Variants in MTHFD1L observed in about 807,000 individuals in gnomAD.
The protein encoded by MTHFD1L is monofunctional C1-tetrahydrofolate synthase, mitochondrial.
In MTHFD1L, 81 loss-of-function variants were observed where a neutral mutation model predicts 119.5. That is an observed-to-expected ratio of 0.68 (90% CI 0.57 to 0.82). The LOEUF (loss-of-function observed/expected upper bound fraction) is 0.82, where lower values mean the gene tolerates loss of function less well. MTHFD1L is among the 40% of genes least tolerant of loss of function. MTHFD1L has a pLI of 0.00. For synonymous variants in MTHFD1L, 430 were observed against 475.2 expected, an observed-to-expected ratio of 0.90 and a Z score of 1.24; for missense variants, 1,125 against 1,253.4, an observed-to-expected ratio of 0.90 and a Z score of 1.55.
intron 26 of MTHFD1L, among the ~76,000 whole-genome samples, chr6:151,067,721 T>C (rs1791489778): frequency 6.6e-6 from 1 of 152,260 alleles, no homozygotes; most frequent in Non-Finnish European, 1.5e-5. Flanking sequence ...GGTAACCATG[T>C]ATACAAATGC....
chr6:150,960,272 C>G lies in MTHFD1L; in HGVS notation c.1804-3C>G. 1.2e-6 allele frequency: 2 copies of G among 1,611,192 alleles called. No individual in the cohort carries two copies. The highest frequency in any genetic ancestry group is 1.7e-6 in the Non-Finnish European group (2 of 1,178,674). On this transcript the variant is annotated splice_region_variant and splice_polypyrimidine_tract_variant and intron_variant, in intron 17 of 27. Coordinates refer to ENST00000367321, the MANE Select transcript of MTHFD1L (RefSeq NM_015440.5). ...ACCACTACCTGTGTTTGGGCTGGTT[C>G]AGGCGCAGTTTGACATCGCAGTGGC...
intron 24 of MTHFD1L, 117 bp downstream of exon 24, chr6:151,015,810 G>C (rs893343747): frequency 2.4e-6 from 3 of 1,256,718 alleles, no homozygotes; most frequent in South Asian, 3.2e-5. Flanking sequence ...GTTTAGGCCC[G>C]GTGCAGTGGC....
chr6:150,916,732 T>G (rs1408837178), intron 8 of MTHFD1L, among the ~76,000 whole-genome samples: 8 of 130,254 alleles, frequency 6.1e-5, no homozygotes, highest in African/African-American at 2.2e-4. Flanking sequence ...AAATTGATTC[T>G]ATCCCTTTTT....
intron 8 of MTHFD1L, among the ~76,000 whole-genome samples, chr6:150,912,396 C>T (rs972502670): frequency 1.3e-5 from 2 of 151,776 alleles, no homozygotes; most frequent in Admixed American, 6.6e-5. Flanking sequence ...ATTTGTTCTC[C>T]TAGATGGCGA....
intron 26 of MTHFD1L, among the ~76,000 whole-genome samples, chr6:151,071,876 C>T (rs2128619557): frequency 8.1e-6 from 1 of 122,948 alleles, no homozygotes; most frequent in South Asian, 2.9e-4. Context: ...GAGTCTCACT[C>T]CGATCATCCA....
intron 20 of MTHFD1L, among the ~76,000 whole-genome samples, chr6:151,006,374 G>C (rs1781393446): frequency 6.6e-6 from 1 of 152,126 alleles, no homozygotes; most frequent in South Asian, 2.1e-4. Flanking sequence ...TAGAGTATGT[G>C]GGCTGTGCCG....
intron 4 of MTHFD1L, among the ~76,000 whole-genome samples, chr6:150,880,991 C>G (rs1175302896): frequency 6.6e-6 from 1 of 151,918 alleles, no homozygotes; most frequent in Non-Finnish European, 1.5e-5. Context: ...GGATGTTAAC[C>G]CCTTGTCGGA....
intron 4 of MTHFD1L, among the ~76,000 whole-genome samples, chr6:150,882,064 C>T (rs995841765): frequency 6.6e-5 from 10 of 152,122 alleles, no homozygotes; most frequent in Non-Finnish European, 1.3e-4. Flanking sequence ...ATAAAATAGA[C>T]AGAGAGGACA....
At chr6:150,976,126 A>G (rs1258318767) in intron 20 of MTHFD1L, among the ~76,000 whole-genome samples, 1 of 152,104 alleles carries the variant, frequency 6.6e-6, no homozygotes, top group Non-Finnish European at 1.5e-5. Context: ...CTTGAACCCC[A>G]GGAGGCAGAG....
intron 24 of MTHFD1L, among the ~76,000 whole-genome samples, chr6:151,027,909 G>C (rs1784803138): frequency 6.6e-6 from 1 of 152,192 alleles, no homozygotes; most frequent in African/African-American, 2.4e-5. Context: ...TGGCTGCAGG[G>C]TTGTAGCTCA....
chr6:150,908,979 G>A (rs2128859826), intron 8 of MTHFD1L, among the ~76,000 whole-genome samples: 1 of 152,178 alleles, frequency 6.6e-6, no homozygotes, highest in East Asian at 1.9e-4. Flanking sequence ...GTTTTATAAT[G>A]AAATTTTTAT....
intron 26 of MTHFD1L, among the ~76,000 whole-genome samples, chr6:151,088,787 G>C (rs1584443409): frequency 6.6e-6 from 1 of 152,210 alleles, no homozygotes; most frequent in South Asian, 2.1e-4. Flanking sequence ...TTTTGTGAAA[G>C]AATCAGAATG....
In MTHFD1L at chr6:151,039,917, A is replaced by AATAC. The variant is rs112663874; in HGVS notation, c.2847+2827_2847+2830dup. On this transcript the variant is annotated intron_variant, in intron 26 of 27. Transcript: ENST00000367321. The surrounding 1 kb of genome is among the most constrained non-coding windows in gnomAD (Gnocchi z 4.4). ...GTGACAGAGCAAGACTTCATCTCTA[A>AATAC]ATACATACATACATACATACATACA... 0.018 allele frequency among the ~76,000 whole-genome samples: 2,648 copies of AATAC among 148,686 alleles called. 42 individuals are homozygous for AATAC. Among genetic ancestry groups the AATAC allele is most frequent in the Middle Eastern group, 0.075 (22 of 294 alleles).
At chr6:150,982,185 T>G (rs1276993442) in intron 20 of MTHFD1L, among the ~76,000 whole-genome samples, 2 of 152,012 alleles carry the variant, frequency 1.3e-5, no homozygotes, top group Non-Finnish European at 2.9e-5. Flanking sequence ...AGAACACTTT[T>G]TAAAAGGATA....
intron 20 of MTHFD1L, among the ~76,000 whole-genome samples, chr6:150,983,606 T>A (rs939019575): frequency 6.6e-6 from 1 of 152,192 alleles, no homozygotes. Context: ...CTGCTCCTTC[T>A]GAGCTTCACC....
intron 8 of MTHFD1L, among the ~76,000 whole-genome samples, chr6:150,911,955 T>C (rs1053356010): frequency 2.6e-5 from 4 of 152,006 alleles, no homozygotes; most frequent in African/African-American, 9.7e-5. Flanking sequence ...GTGGGAATTA[T>C]GGGAGTACAA....
intron 26 of MTHFD1L, among the ~76,000 whole-genome samples, chr6:151,073,405 C>T (rs1792151225): frequency 6.6e-6 from 1 of 152,262 alleles, no homozygotes; most frequent in African/African-American, 2.4e-5. Flanking sequence ...TGCAGGGGCA[C>T]TGGTTAGAAT....
chr6:150,926,370 G>A lies in MTHFD1L; in HGVS notation c.1256+75G>A, dbSNP rs548360655. On this transcript the variant is annotated intron_variant, in intron 11 of 27. Transcript: ENST00000367321. The surrounding 1 kb of genome is among the most constrained non-coding windows in gnomAD (Gnocchi z 4.3). ...CTCTTCCCTATTTATCTCTCTCCTC[G>A]TACCCCTCAATCCATCCTATTCTCA... 3.4e-3 allele frequency: 4,369 copies of A among 1,303,696 alleles called. 7 individuals carry two copies. Among genetic ancestry groups the A allele is most frequent in the Middle Eastern group, 6.9e-3 (35 of 5,070 alleles). 80.8% of individuals were successfully genotyped at this position (1,303,696 alleles called of 1,614,324 possible).
At chr6:150,947,721 T>A (rs1794214502) in intron 15 of MTHFD1L, among the ~76,000 whole-genome samples, 1 of 152,062 alleles carries the variant, frequency 6.6e-6, no homozygotes, top group South Asian at 2.1e-4. Flanking sequence ...CGGCATCAAT[T>A]ATATGGACAG....
Sources: gnomAD v4.1 joint callset for allele counts (sites outside exome capture counted in the v4.1 genomes callset) on GRCh38, gnomAD v4.1.1 for gene constraint, Gnocchi (gnomAD v3.1) non-coding constraint, MANE v1.5 for transcripts, NCBI Gene and HGNC (gene_info 2026-07-23, HGNC 2026-07-21) for gene names.